CLEC16A: variants seen among roughly 807,000 people sequenced by gnomAD.
CLEC16A encodes C-type lectin domain containing 16A.
CLEC16A carries 51 observed loss-of-function variants against 109.5 expected under a neutral mutation model. That is an observed-to-expected ratio of 0.47 (90% confidence interval 0.37 to 0.59). The LOEUF (loss-of-function observed/expected upper bound fraction) is 0.59, where lower values mean the gene tolerates loss of function less well. CLEC16A is among the 20% of genes least tolerant of loss of function. CLEC16A has a pLI of 0.00. For synonymous variants in CLEC16A, 673 were observed against 564.2 expected (o/e 1.19, Z -2.73); for missense variants, 1,339 against 1,394.0 (o/e 0.96, Z 0.63).
At chr16:10,949,168 G>T (rs919972027) in intron 1 of CLEC16A, among the ~76,000 whole-genome samples, 1 of 152,182 alleles carries the variant, frequency 6.6e-6, no homozygotes, top group South Asian at 2.1e-4. Flanking sequence ...GTAGACAGAC[G>T]CACACCTACT....
At position 11,153,805 on chromosome 16, in the gene CLEC16A, A is replaced by G. The variant is rs114898481; in HGVS notation, c.2642-12583A>G. ...TTAATAATACTAAAAAAATAAGTCA[A>G]AACTACAAATGCATAATAGCTAGGG... On this transcript the variant is annotated intron_variant, in intron 22 of 23. Transcript: ENST00000409790. Among the ~76,000 whole-genome samples the G allele has an allele frequency of 8.5e-3, 1,301 of 152,288 alleles. 20 individuals carry two copies. Among genetic ancestry groups the G allele is most frequent in the African/African-American group, 0.03 (1,232 of 41,538 alleles).
intron 19 of CLEC16A, among the ~76,000 whole-genome samples, chr16:11,070,223 A>C (rs1448487346): frequency 2.6e-5 from 4 of 152,092 alleles, no homozygotes; most frequent in African/African-American, 9.7e-5. Context: ...GGCGCGTGCC[A>C]CCACGCCCAG....
chr16:10,973,122 T>C, intron 7 of CLEC16A, 61 bp downstream of exon 7: 2 of 1,526,468 alleles, frequency 1.3e-6, no homozygotes, highest in Non-Finnish European at 1.8e-6. Flanking sequence ...AGAATTCTGT[T>C]TTCATCAAGG....
chr16:11,055,024 A>G (rs2048138338), intron 18 of CLEC16A, among the ~76,000 whole-genome samples: 2 of 151,440 alleles, frequency 1.3e-5, no homozygotes, highest in African/African-American at 4.9e-5. Context: ...AGGACTTGTC[A>G]AAGAGGTTCA....
intron 19 of CLEC16A, among the ~76,000 whole-genome samples, chr16:11,117,280 T>C (rs74321507): frequency 0.029 from 4,425 of 152,294 alleles, 220 homozygotes; most frequent in African/African-American, 0.1. Flanking sequence ...GTAAACTGTA[T>C]ACTTAAAATA....
intron 22 of CLEC16A, among the ~76,000 whole-genome samples, chr16:11,137,332 T>C (rs1307749084): frequency 6.6e-6 from 1 of 152,068 alleles, no homozygotes; most frequent in Admixed American, 6.5e-5. Context: ...TAATTCTGTA[T>C]GTAAGTTGAT....
At chr16:10,985,472 C>T (rs2043588042) in intron 10 of CLEC16A, among the ~76,000 whole-genome samples, 1 of 151,862 alleles carries the variant, frequency 6.6e-6, no homozygotes, top group Admixed American at 6.6e-5. Flanking sequence ...ACCGTGAAAC[C>T]TGCCCACTGC....
chr16:11,079,005 G>A (rs2049550752), intron 19 of CLEC16A, among the ~76,000 whole-genome samples: 1 of 152,178 alleles, frequency 6.6e-6, no homozygotes, highest in Admixed American at 6.5e-5. Flanking sequence ...TTGGGCACCT[G>A]TCTTGAGAGG....
chr16:11,023,371 G>A (rs917770190), intron 12 of CLEC16A, among the ~76,000 whole-genome samples: 10 of 152,112 alleles, frequency 6.6e-5, no homozygotes, highest in Non-Finnish European at 1.5e-4. Context: ...ATTTCAAGCA[G>A]CTGATTTACA....
intron 16 of CLEC16A, among the ~76,000 whole-genome samples, chr16:11,046,082 A>C (rs982622974): frequency 1.3e-5 from 2 of 152,146 alleles, no homozygotes; most frequent in African/African-American, 4.8e-5. Context: ...GCCCACGAGA[A>C]AGCAGAAACC....
chr16:10,975,322 C>A (rs543786099), intron 7 of CLEC16A, among the ~76,000 whole-genome samples: 1 of 152,228 alleles, frequency 6.6e-6, no homozygotes, highest in East Asian at 1.9e-4. Context: ...GAGCAAGACA[C>A]TGTCTCAAAG....
chr16:10,947,351 C>T (rs1324318199), intron 1 of CLEC16A, among the ~76,000 whole-genome samples: 1 of 152,130 alleles, frequency 6.6e-6, no homozygotes. Flanking sequence ...AGGGAGTTTG[C>T]AGGCTGGTGG....
intron 9 of CLEC16A, among the ~76,000 whole-genome samples, chr16:10,982,014 T>C (rs1228780040): frequency 2.6e-5 from 4 of 152,238 alleles, no homozygotes; most frequent in Non-Finnish European, 4.4e-5. Context: ...AGTGCCAAGA[T>C]TGAGAAACCC....
In CLEC16A at chr16:10,944,632, C is replaced by A; in HGVS notation, c.-86C>A. ...TCCACCGCCTCCGCCGCCGCATCCT[C>A]CGCTTGTGCTACCGCCGCGGGCGCT... On this transcript the variant is annotated 5_prime_UTR_variant, in exon 1 of 24. Transcript: ENST00000409790. The A allele has an allele frequency of 7.5e-7, 1 of 1,327,804 alleles. No homozygotes were observed. Among genetic ancestry groups the A allele is most frequent in the Non-Finnish European group, 1.0e-6 (1 of 957,284 alleles). 82.3% of individuals were successfully genotyped at this position (1,327,804 alleles called of 1,614,324 possible).
At chr16:11,009,239 T>A (rs2045247314) in intron 11 of CLEC16A, among the ~76,000 whole-genome samples, 1 of 152,232 alleles carries the variant, frequency 6.6e-6, no homozygotes, top group Admixed American at 6.5e-5. Context: ...CAAGGTTCAT[T>A]CATGTTGTAG....
At chr16:11,012,851 G>A (rs1334294311) in intron 11 of CLEC16A, among the ~76,000 whole-genome samples, 3 of 151,932 alleles carry the variant, frequency 2.0e-5, no homozygotes, top group Non-Finnish European at 2.9e-5. Flanking sequence ...TTGTATTATC[G>A]TCTACTTTAT....
At chr16:11,070,312 C>T (rs995484403) in intron 19 of CLEC16A, among the ~76,000 whole-genome samples, 1 of 151,996 alleles carries the variant, frequency 6.6e-6, no homozygotes, top group East Asian at 1.9e-4. Flanking sequence ...CCTCGTGATC[C>T]GCCCGCCTCG....
intron 22 of CLEC16A, among the ~76,000 whole-genome samples, chr16:11,143,702 C>G (rs940509032): frequency 6.6e-6 from 1 of 152,184 alleles, no homozygotes. Context: ...GGGTCCCCAT[C>G]GATGTGACAC....
chr16:11,019,198 CTGTT>C (rs2045945780), intron 11 of CLEC16A, among the ~76,000 whole-genome samples: 1 of 152,176 alleles, frequency 6.6e-6, no homozygotes, highest in Admixed American at 6.5e-5. Context: ...CAAAGGCTGA[CTGTT>C]TGAAAGTCCA....
Sources: gnomAD v4.1 joint callset for allele counts (sites outside exome capture counted in the v4.1 genomes callset) on GRCh38, gnomAD v4.1.1 for gene constraint, MANE v1.5 for transcripts, NCBI Gene and HGNC (gene_info 2026-07-23, HGNC 2026-07-21) for gene names.